ZNF483: variants seen among roughly 807,000 people sequenced by gnomAD.
ZNF483 encodes zinc finger protein HIT-10.
A neutral mutation model predicts 28.6 loss-of-function variants in ZNF483; 9 were observed. That is an observed-to-expected ratio of 0.32 (90% CI 0.19 to 0.55). The LOEUF is 0.55. Among genes scored for constraint, ZNF483 ranks in the 20% least tolerant of loss-of-function variants. The pLI, the probability that ZNF483 is intolerant of heterozygous loss-of-function variation, is 0.93. For synonymous variants in ZNF483, 322 were observed against 306.2 expected (o/e 1.05, Z -0.54); for missense variants, 675 against 871.7 (o/e 0.77, Z 2.84).
rs927561388 is a variant in ZNF483 at position 111,554,539 on chromosome 9, A to G, written c.*11369A>G. Among the ~76,000 whole-genome samples, 3 of 152,150 alleles carry G rather than the reference A, an allele frequency of 2.0e-5. No individual in the cohort carries two copies. Among genetic ancestry groups the G allele is most frequent in the Non-Finnish European group, 2.9e-5 (2 of 68,018 alleles). ...CTCGAGTGGATGCCTGCAACCTCAG[A>G]TAGTACCAAACCCTGTATGTTCTAT... is the stretch of plus-strand genomic sequence containing the variant. On this transcript the variant is annotated 3_prime_UTR_variant, in exon 6 of 6. Transcript: ENST00000309235.
rs1471582093 is a variant in ZNF483, at chr9:111,533,873, C to T, written c.628+8C>T. 1 of 1,588,178 alleles carries T rather than the reference C, an allele frequency of 6.3e-7. No individual in the cohort carries two copies. ...GGAACCTAGAATTTCTGGGTAAAGA[C>T]ACCTTTTCTTCATTACCTAGCGTTT... On this transcript the variant is annotated splice_region_variant and intron_variant, in intron 4 of 5. Coordinates refer to ENST00000309235, the MANE Select transcript of ZNF483 (RefSeq NM_133464.5).
chr9:111,539,698 G>C (rs1827621171), intron 5 of ZNF483: 1 of 200,324 alleles, frequency 5.0e-6, no homozygotes, highest in Admixed American at 5.7e-5. Context: ...GGGAGGCAGA[G>C]ATTGCGGTGA....
rs541944962 is a variant in ZNF483 at position 111,564,850 on chromosome 9, G to A, written c.722-11515G>A. On this transcript the variant is annotated intron_variant, in intron 5 of 5. Coordinates refer to the ZNF483 transcript ENST00000358151. Reference sequence around the variant, plus strand: ...AAAAAAGGTAATTAAGAGGCCGGGCGCAGTGGCTCATGTCTGTAATCCCAG... The same window carrying A: ...AAAAAAGGTAATTAAGAGGCCGGGCACAGTGGCTCATGTCTGTAATCCCAG... Among the ~76,000 whole-genome samples the A allele has an allele frequency of 7.2e-5, 11 of 152,124 alleles. No individual in the cohort carries two copies. In the East Asian group the frequency reaches 9.7e-4, roughly 13 times the overall value.
Position 111,549,000 on chromosome 9 carries a change from T to G in ZNF483, c.*5830T>G, listed in dbSNP as rs967413727. On this transcript the variant is annotated 3_prime_UTR_variant, in exon 6 of 6. Transcript: ENST00000309235. ...ATTTCAGCAGCTTGATTATAACTTG[T>G]CTTGGTGTCTCTGTGGGGTGAGGGT... 6.6e-6 allele frequency among the ~76,000 whole-genome samples: 1 copy of G among 152,164 alleles called. No individual in the cohort carries two copies. Among genetic ancestry groups the G allele is most frequent in the Admixed American group, 6.5e-5 (1 of 15,276 alleles).
intron 5 of ZNF483, 127 bp downstream of exon 5, chr9:111,534,480 T>A: frequency 1.3e-6 from 1 of 754,014 alleles, no homozygotes; most frequent in Non-Finnish European, 2.1e-6. Flanking sequence ...AGCCCTTGCC[T>A]TCCTGAAATG....
chr9:111,532,775 G>A (rs2132229186), intron 3 of ZNF483, among the ~76,000 whole-genome samples: 1 of 152,254 alleles, frequency 6.6e-6, no homozygotes, highest in Non-Finnish European at 1.5e-5. Flanking sequence ...TGGGTGCGTT[G>A]GTGCATGCCT....
intron 5 of ZNF483, among the ~76,000 whole-genome samples, chr9:111,536,188 G>A (rs1358106355): frequency 5.3e-5 from 8 of 151,080 alleles, no homozygotes; most frequent in African/African-American, 1.5e-4. Flanking sequence ...ACTGTGCCCG[G>A]CCACAATTTA....
chr9:111,564,758 T>C (rs774007860), intron 5 of ZNF483, among the ~76,000 whole-genome samples: 9 of 152,086 alleles, frequency 5.9e-5, no homozygotes, highest in East Asian at 1.9e-4. Context: ...CCAATCCAAA[T>C]CCATATGTTT....
intron 5 of ZNF483, chr9:111,570,030 G>T (rs765669854): frequency 1.2e-6 from 2 of 1,605,146 alleles, no homozygotes; most frequent in South Asian, 1.1e-5. Context: ...CAAAAGCCTT[G>T]AGAGGCAAAG....
At chr9:111,540,475 A>T (rs900961568) in intron 5 of ZNF483, among the ~76,000 whole-genome samples, 5 of 152,188 alleles carry the variant, frequency 3.3e-5, no homozygotes, top group African/African-American at 9.7e-5. Context: ...ATGGTATTGG[A>T]GAAAGCTCTG....
At chr9:111,532,132 G>T (rs1270894253) in intron 3 of ZNF483, among the ~76,000 whole-genome samples, 1 of 152,094 alleles carries the variant, frequency 6.6e-6, no homozygotes, top group Non-Finnish European at 1.5e-5. Flanking sequence ...AACATAGCGA[G>T]ACCCTCGTCT....
chr9:111,563,984 C>T (rs1828431470), intron 5 of ZNF483: 1 of 160,654 alleles, frequency 6.2e-6, no homozygotes, highest in Admixed American at 6.5e-5. Context: ...CCCTTTAAGC[C>T]AAGGTTCTTT....
rs897997451 is a variant in ZNF483 at position 111,546,884 on chromosome 9, T to C, written c.*3714T>C. ...TCCTGGTAACCACTGTTCTACTTCC[T>C]GTCTGTACAAATTTGACTGTTCTAA... On this transcript the variant is annotated 3_prime_UTR_variant, in exon 6 of 6. Transcript: ENST00000309235. Among the ~76,000 whole-genome samples the C allele has an allele frequency of 6.6e-6, 1 of 152,176 alleles. No individual in the cohort carries two copies. The highest frequency in any genetic ancestry group is 2.1e-4 in the South Asian group (1 of 4,830).
chr9:111,530,912 G>C lies in ZNF483; in HGVS notation c.450G>C (p.Glu150Asp). 1.3e-6 allele frequency: 2 copies of C among 1,548,306 alleles called. No homozygotes were observed. Among genetic ancestry groups the C allele is most frequent in the African/African-American group, 1.4e-5 (1 of 73,422 alleles). Residue 150 changes from glutamate to aspartate, a missense_variant, in exon 3 of 6, where the codon GAG (glutamate) becomes GAC (aspartate). Glu to Asp is a conservative substitution (Grantham distance 45, BLOSUM62 2). This residue lies in a region of ZNF483 where 525 missense variants were observed against 581.8 expected (regional missense o/e 0.90). Coordinates refer to ENST00000309235, the MANE Select transcript of ZNF483 (RefSeq NM_133464.5). Reference protein sequence around the residue: ...VSQDSTVSQEENSKEDKMVTV... With the variant: ...VSQDSTVSQEDNSKEDKMVTV... ...AAGATTCTACTGTTTCCCAAGAGGA[G>C]AACTCAAAAGAGGATAAAATGGTCA...
At chr9:111,536,150 C>T (rs1369995226) in intron 5 of ZNF483, among the ~76,000 whole-genome samples, 3 of 151,200 alleles carry the variant, frequency 2.0e-5, no homozygotes. Context: ...CTTGGCCTCT[C>T]AAAGTACTGG....
Position 111,546,529 on chromosome 9 carries a change from GAC to G in ZNF483, c.*3363_*3364del, listed in dbSNP as rs1344712744. 3.9e-5 allele frequency among the ~76,000 whole-genome samples: 6 copies of G among 152,114 alleles called. No homozygotes were observed. The highest frequency in any genetic ancestry group is 7.4e-5 in the Non-Finnish European group (5 of 67,994). On this transcript the variant is annotated 3_prime_UTR_variant, in exon 6 of 6. Transcript: ENST00000309235. ...GGATTGCTTTTATGAAGAGCACTGT[GAC>G]ACATTTTACTTTAAAATGAAGTCCT... is the stretch of plus-strand genomic sequence containing the variant.
chr9:111,526,148 G>C (rs1827181099), intron 1 of ZNF483, among the ~76,000 whole-genome samples: 1 of 152,204 alleles, frequency 6.6e-6, no homozygotes, highest in South Asian at 2.1e-4. Context: ...CATCACACCA[G>C]AAGTGACAGT....
chr9:111,555,780 C>T (rs951331686), downstream of ZNF483, among the ~76,000 whole-genome samples: 1 of 152,208 alleles, frequency 6.6e-6, no homozygotes, highest in South Asian at 2.1e-4. Context: ...TCACCTCCCA[C>T]CAGGTCCCTC....
rs1827990848 is a variant in ZNF483 at position 111,552,310 on chromosome 9, A to T, written c.*9140A>T. Among the ~76,000 whole-genome samples the T allele has an allele frequency of 6.6e-6, 1 of 152,194 alleles. No homozygotes were observed. Among genetic ancestry groups the T allele is most frequent in the African/African-American group, 2.4e-5 (1 of 41,466 alleles). ...TCTTTTTTTTTCAGAAGTTTCATAA[A>T]CTGTCAACATTCTATAGCTTTTGTG... On this transcript the variant is annotated 3_prime_UTR_variant, in exon 6 of 6. Coordinates refer to ENST00000309235, the MANE Select transcript of ZNF483 (RefSeq NM_133464.5).
Sources: gnomAD v4.1 joint callset for allele counts (sites outside exome capture counted in the v4.1 genomes callset) on GRCh38, gnomAD v4.1.1 for gene constraint, gnomAD v4.1.1 regional missense constraint, MANE v1.5 for transcripts, NCBI Gene and HGNC (gene_info 2026-07-23, HGNC 2026-07-21) for gene names.